The following PHC3 variants were observed in gnomAD, a reference collection of about 807,000 sequenced individuals.
PHC3 encodes the protein polyhomeotic-like protein 3.
PHC3 carries 13 observed loss-of-function variants against 107.4 expected under a neutral mutation model. That is an observed-to-expected ratio of 0.12 (90% CI 0.08 to 0.19). The LOEUF (loss-of-function observed/expected upper bound fraction) is 0.19, where lower values mean the gene tolerates loss of function less well. Ranked by LOEUF, PHC3 falls within the 10% of genes least tolerant of loss-of-function variation. The pLI is 1.00. For synonymous variants in PHC3, 456 were observed against 427.4 expected (o/e 1.07, Z -0.83); for missense variants, 992 against 1,210.9 (o/e 0.82, Z 2.68).
intron 10 of PHC3, among the ~76,000 whole-genome samples, chr3:170,114,037 T>A (rs1718402514): frequency 6.6e-6 from 1 of 152,224 alleles, no homozygotes. Context: ...CTTTCTTTCT[T>A]TTTGAGACAC....
chr3:170,155,940 G>C (rs1207907232), intron 4 of PHC3, among the ~76,000 whole-genome samples: 2 of 151,962 alleles, frequency 1.3e-5, no homozygotes, highest in African/African-American at 4.8e-5. Context: ...TTTCTATGTA[G>C]ATATTAATTT....
intron 14 of PHC3, among the ~76,000 whole-genome samples, chr3:170,098,917 T>A (rs1466402620): frequency 6.6e-6 from 1 of 152,174 alleles, no homozygotes; most frequent in Non-Finnish European, 1.5e-5. Flanking sequence ...CCCCTTTTCT[T>A]TTCCCAGAGG....
chr3:170,144,276 G>A (rs1297198824), intron 6 of PHC3, among the ~76,000 whole-genome samples: 1 of 151,838 alleles, frequency 6.6e-6, no homozygotes, highest in Admixed American at 6.6e-5. Context: ...AGGAGGTGGA[G>A]GTTGCAGTGA....
chr3:170,133,323 AG>A (rs1223351944), intron 7 of PHC3, among the ~76,000 whole-genome samples: 1 of 151,614 alleles, frequency 6.6e-6, no homozygotes, highest in Admixed American at 6.6e-5. Context: ...GAATTACAAG[AG>A]CGCGCCACCA....
intron 2 of PHC3, among the ~76,000 whole-genome samples, chr3:170,178,317 G>T (rs916795332): frequency 5.9e-5 from 9 of 151,656 alleles, no homozygotes; most frequent in African/African-American, 2.2e-4. Context: ...CTAATTTTTT[G>T]TATTTTTAGT....
chr3:170,135,533 T>C (rs1053214334), intron 7 of PHC3, among the ~76,000 whole-genome samples: 1 of 151,678 alleles, frequency 6.6e-6, no homozygotes, highest in Non-Finnish European at 1.5e-5. Context: ...TCAAACAATA[T>C]ATAGTTATAG....
chr3:170,120,965 T>C (rs1251183761), intron 9 of PHC3, among the ~76,000 whole-genome samples: 1 of 152,214 alleles, frequency 6.6e-6, no homozygotes, highest in Non-Finnish European at 1.5e-5. Flanking sequence ...AAACTTTCCA[T>C]AAATGGCTGT....
rs1714033322 is a variant in PHC3 at position 170,090,939 on chromosome 3, G to A, written c.*6291C>T. 6.6e-6 allele frequency: 1 copy of A among 152,128 alleles called. No individual in the cohort carries two copies. The highest frequency in any genetic ancestry group is 2.4e-5 in the African/African-American group (1 of 41,420). 9.4% of individuals were successfully genotyped at this position (152,128 alleles called of 1,614,324 possible). A position where few individuals can be genotyped will look rare whatever the true frequency, so the allele number is the denominator to read the frequency against. ...TACCCAAAACAAAAAATACTTTTAAGAGAAGCATTCTAAATAAAGATTTAA... is the reference window on the plus strand; with the variant it reads ...TACCCAAAACAAAAAATACTTTTAAAAGAAGCATTCTAAATAAAGATTTAA... On this transcript the variant is annotated 3_prime_UTR_variant, in exon 15 of 15. Transcript: ENST00000495893.
rs771723999 is a variant in PHC3 at position 170,145,528 on chromosome 3, A to G, written c.574-7T>C. On this transcript the variant is annotated splice_region_variant and splice_polypyrimidine_tract_variant and intron_variant, in intron 5 of 14. Coordinates refer to ENST00000495893, the MANE Select transcript of PHC3 (RefSeq NM_024947.4). ...TAGCGGGTGTGAAAATCAGCTGTAC[A>G]GACAGAAAACCAAAAAAATACCCTA... 19 of 1,606,714 alleles carry G rather than the reference A, an allele frequency of 1.2e-5. No individual in the cohort carries two copies. The East Asian group carries it at 4.0e-4, about 34-fold the overall frequency.
At chr3:170,135,309 C>T (rs890723301) in intron 7 of PHC3, among the ~76,000 whole-genome samples, 8 of 152,090 alleles carry the variant, frequency 5.3e-5, no homozygotes, top group African/African-American at 1.9e-4. Context: ...CACCACCATG[C>T]CCTGCTAATT....
intron 7 of PHC3, among the ~76,000 whole-genome samples, chr3:170,130,196 T>G (rs1299113721): frequency 1.3e-5 from 2 of 152,184 alleles, no homozygotes; most frequent in East Asian, 3.8e-4. Context: ...ATTTCTTCTT[T>G]GCAGGAAAAG....
chr3:170,162,887 C>T (rs553577737), intron 4 of PHC3, among the ~76,000 whole-genome samples: 88 of 152,320 alleles, frequency 5.8e-4, no homozygotes, highest in African/African-American at 2.1e-3. Flanking sequence ...CTGTGCATGT[C>T]TGCCCTCCTC....
At chr3:170,119,538 T>C (rs573304235) in intron 9 of PHC3, among the ~76,000 whole-genome samples, 1 of 152,186 alleles carries the variant, frequency 6.6e-6, no homozygotes, top group East Asian at 1.9e-4. Context: ...GTTGTAAAAA[T>C]CGAAAACATG....
At chr3:170,164,725 T>C (rs916766419) in intron 4 of PHC3, among the ~76,000 whole-genome samples, 1 of 151,956 alleles carries the variant, frequency 6.6e-6, no homozygotes, top group Non-Finnish European at 1.5e-5. Flanking sequence ...ACTTGGAGGG[T>C]GGAAATGAAG....
chr3:170,102,409 G>A, intron 14 of PHC3, 70 bp downstream of exon 14: 1 of 1,550,566 alleles, frequency 6.4e-7, no homozygotes, highest in Admixed American at 1.9e-5. Flanking sequence ...CAAAAGGTGT[G>A]GATGTATCTA....
chr3:170,161,497 C>T (rs1727882071), intron 4 of PHC3, among the ~76,000 whole-genome samples: 1 of 152,100 alleles, frequency 6.6e-6, no homozygotes, highest in African/African-American at 2.4e-5. Flanking sequence ...ACCTAGATCC[C>T]TCCCATGTGC....
At chr3:170,170,332 T>G (rs1729395006) in intron 4 of PHC3, 1 of 150,266 alleles carries the variant, frequency 6.7e-6, no homozygotes, top group African/African-American at 2.5e-5. Context: ...GAAACACCTA[T>G]AGTTGTCACA....
At chr3:170,103,888 G>A (rs926968917) in intron 12 of PHC3, among the ~76,000 whole-genome samples, 3 of 152,066 alleles carry the variant, frequency 2.0e-5, no homozygotes, top group African/African-American at 4.8e-5. Context: ...AGGCCAACAC[G>A]GTGAAAACCC....
At chr3:170,129,836 A>C (rs1176181774) in intron 7 of PHC3, among the ~76,000 whole-genome samples, 3 of 151,976 alleles carry the variant, frequency 2.0e-5, no homozygotes, top group Non-Finnish European at 4.4e-5. Flanking sequence ...AGTAGCTGGG[A>C]TTACAGGTGC....
Sources: allele counts gnomAD v4.1 joint callset (sites outside exome capture counted in the v4.1 genomes callset), GRCh38; gene constraint gnomAD v4.1.1; transcripts MANE v1.5; gene names NCBI Gene and HGNC (gene_info 2026-07-23, HGNC 2026-07-21).